The following STX11 variants were observed in gnomAD, a reference collection of about 807,000 sequenced individuals.
STX11 encodes syntaxin 11, also known as syntaxin-11.
STX11 carries 21 observed loss-of-function variants against 19.9 expected under a neutral mutation model. That is an observed-to-expected ratio of 1.06 (90% CI 0.75 to 1.52). The LOEUF is 1.52. Ranked by LOEUF, STX11 falls within the 40% of genes most tolerant of loss-of-function variation. The pLI is 0.00. For missense variants in STX11, 438 were observed against 405.9 expected (o/e 1.08, Z -0.68); for synonymous variants, 193 against 174.4 (o/e 1.11, Z -0.84).
rs551867852 is a variant in STX11 at position 144,158,075 on chromosome 6, T to C, written c.-6+7372T>C. ...AGAATCCAGGGGTGGAACCCATGAA[T>C]TGACATTTTCAACACATTTTCCCCA... On this transcript the variant is annotated intron_variant, in intron 1 of 1. Transcript: ENST00000367568. Among the ~76,000 whole-genome samples, 20 of 152,240 alleles carry C rather than the reference T, an allele frequency of 1.3e-4. 1 individual carries two copies. The Middle Eastern group carries it at 0.014, about 104-fold the overall frequency.
rs932538148 is a variant in STX11, at chr6:144,177,017, A to G, written c.-5-9606A>G. 2.6e-5 allele frequency among the ~76,000 whole-genome samples: 4 copies of G among 152,212 alleles called. No individual in the cohort carries two copies. The highest frequency in any genetic ancestry group is 5.9e-5 in the Non-Finnish European group (4 of 68,034). ...AGAATTTAACAGGAGTAACCAGGCA[A>G]TGAGACTAGAATAAGTGGCCCAAAG... On this transcript the variant is annotated intron_variant, in intron 1 of 1. Coordinates refer to ENST00000367568, the MANE Select transcript of STX11 (RefSeq NM_003764.4). This position sits in a 1 kb window ranked among gnomAD's most constrained non-coding sequence, Gnocchi z 4.4.
At chr6:144,140,246 ATATATATATT>A in the STX11 span, among the ~76,000 whole-genome samples, 224 of 45,458 alleles carry the variant, frequency 4.9e-3, no homozygotes, top group Admixed American at 7.4e-3. Context: ...ATATATATAT[ATATATATATT>A]TATTTATTTA....
intron 1 of STX11, among the ~76,000 whole-genome samples, chr6:144,163,531 G>A (rs544539542): frequency 2.6e-5 from 4 of 152,022 alleles, no homozygotes; most frequent in Non-Finnish European, 5.9e-5. Flanking sequence ...AGGCTGGAGT[G>A]CAGTGGCGCA....
Position 144,190,583 on chromosome 6 carries a change from C to CTT in STX11, c.*3103_*3104dup, listed in dbSNP as rs558797705. On this transcript the variant is annotated 3_prime_UTR_variant, in exon 2 of 2. Transcript: ENST00000367568. ...ACCCCATCTTCTGTGAATATTAGGGCTTTTTTTTTTTTGACAGTCATAAAG... is the reference window on the plus strand; with the variant it reads ...ACCCCATCTTCTGTGAATATTAGGGCTTTTTTTTTTTTTTGACAGTCATAAAG... Among the ~76,000 whole-genome samples the CTT allele has an allele frequency of 4.9e-5, 7 of 143,034 alleles. No individual in the cohort carries two copies. The highest frequency in any genetic ancestry group is 1.3e-4 in the African/African-American group (5 of 39,260). 93.8% of individuals were successfully genotyped at this position (143,034 alleles called of 152,430 possible).
rs992187276 is a variant in STX11 at position 144,188,871 on chromosome 6, C to T, written c.*1380C>T. 6.6e-6 allele frequency among the ~76,000 whole-genome samples: 1 copy of T among 151,342 alleles called. No individual in the cohort carries two copies. Among genetic ancestry groups the T allele is most frequent in the Non-Finnish European group, 1.5e-5 (1 of 67,936 alleles). ...CCTCCTGAGAAGTTGGGACTCTGGG[C>T]GCGTGCCACAATGTCTGGCTAATTT... On this transcript the variant is annotated 3_prime_UTR_variant, in exon 2 of 2. Coordinates refer to ENST00000367568, the MANE Select transcript of STX11 (RefSeq NM_003764.4).
At chr6:144,139,996 G>C in the STX11 span, among the ~76,000 whole-genome samples, 2 of 151,528 alleles carry the variant, frequency 1.3e-5, no homozygotes, top group Admixed American at 1.3e-4. Context: ...AGTGAGGCAA[G>C]GCCATGTTAG....
chr6:144,162,520 C>T lies in STX11; in HGVS notation c.-6+11817C>T, dbSNP rs1801370053. Among the ~76,000 whole-genome samples, 1 of 152,120 alleles carries T rather than the reference C, an allele frequency of 6.6e-6. No individual in the cohort carries two copies. The highest frequency in any genetic ancestry group is 2.4e-5 in the African/African-American group (1 of 41,406). ...TTATCCAGAATGTGGAAGGCGTCTT[C>T]AAAAATGCAAATATGCTTTCTTGAT... On this transcript the variant is annotated intron_variant, in intron 1 of 1. Coordinates refer to ENST00000367568, the MANE Select transcript of STX11 (RefSeq NM_003764.4). This position sits in a 1 kb window ranked among gnomAD's most constrained non-coding sequence, Gnocchi z 4.6.
Position 144,155,986 on chromosome 6 carries a change from CTT to C in STX11, c.-6+5285_-6+5286del, listed in dbSNP as rs1264178417. ...TCTTTCTTTCTTTCTTTCTTTCTTT[CTT>C]TCTTTCTTTCTTTCTTTCTTTCTTT... On this transcript the variant is annotated intron_variant, in intron 1 of 1. Transcript: ENST00000367568. The surrounding 1 kb of genome is among the most constrained non-coding windows in gnomAD (Gnocchi z 4.5). 1.3e-3 allele frequency among the ~76,000 whole-genome samples: 169 copies of C among 131,642 alleles called. 2 individuals are homozygous for C. The highest frequency in any genetic ancestry group is 5.8e-3 in the African/African-American group (153 of 26,372). 86.4% of individuals were successfully genotyped at this position (131,642 alleles called of 152,430 possible).
At chr6:144,142,120 C>A in the STX11 span, among the ~76,000 whole-genome samples, 1 of 151,478 alleles carries the variant, frequency 6.6e-6, no homozygotes, top group Non-Finnish European at 1.5e-5. Context: ...AGGGTTCAGT[C>A]TATTCCTCTC....
chr6:144,142,709 T>TGATA, the STX11 span, among the ~76,000 whole-genome samples: 3 of 152,116 alleles, frequency 2.0e-5, no homozygotes, highest in Non-Finnish European at 4.4e-5. Flanking sequence ...GAGAGTGGAA[T>TGATA]GATAGATAGA....
chr6:144,164,898 T>C (rs1309237049), intron 1 of STX11, among the ~76,000 whole-genome samples: 4 of 151,932 alleles, frequency 2.6e-5, no homozygotes, highest in Non-Finnish European at 4.4e-5. Flanking sequence ...GGTTTCACCA[T>C]GTTGGCCAGG....
At chr6:144,141,653 T>G in the STX11 span, among the ~76,000 whole-genome samples, 2 of 150,470 alleles carry the variant, frequency 1.3e-5, no homozygotes, top group Non-Finnish European at 1.5e-5. Flanking sequence ...TATTTTCAGT[T>G]TTGTTGTTGT....
chr6:144,159,894 T>A lies in STX11; in HGVS notation c.-6+9191T>A, dbSNP rs1433929341. Among the ~76,000 whole-genome samples the A allele has an allele frequency of 1.3e-5, 2 of 152,152 alleles. No individual in the cohort carries two copies. The highest frequency in any genetic ancestry group is 2.4e-5 in the African/African-American group (1 of 41,438). ...AGGTTTCTCATCTTTCCAGGTCACT[T>A]TTGATGCCCTGGGTGAAGAGGCCAC... On this transcript the variant is annotated intron_variant, in intron 1 of 1. Coordinates refer to ENST00000367568, the MANE Select transcript of STX11 (RefSeq NM_003764.4). This position sits in a 1 kb window ranked among gnomAD's most constrained non-coding sequence, Gnocchi z 4.3.
At chr6:144,168,154 A>G (rs1328708597) in intron 1 of STX11, among the ~76,000 whole-genome samples, 1 of 152,230 alleles carries the variant, frequency 6.6e-6, no homozygotes, top group African/African-American at 2.4e-5. Context: ...GGTGAGAAGA[A>G]ACATCAGTAA....
chr6:144,184,030 G>C lies in STX11; in HGVS notation c.-5-2593G>C, dbSNP rs769477267. On this transcript the variant is annotated intron_variant, in intron 1 of 1. Transcript: ENST00000367568. The surrounding 1 kb of genome is among the most constrained non-coding windows in gnomAD (Gnocchi z 6.5). Reference sequence around the variant, plus strand: ...AGTTTGCTGAGGATAATGGCTTCCAGCTTCATCCATGTCCCTGCAAAGAAC... The same window carrying C: ...AGTTTGCTGAGGATAATGGCTTCCACCTTCATCCATGTCCCTGCAAAGAAC... Among the ~76,000 whole-genome samples, 47 of 152,154 alleles carry C rather than the reference G, an allele frequency of 3.1e-4. No individual in the cohort carries two copies. The highest frequency in any genetic ancestry group is 6.5e-4 in the Non-Finnish European group (44 of 68,026).
chr6:144,179,658 T>C (rs564909331), intron 1 of STX11, among the ~76,000 whole-genome samples: 1 of 152,252 alleles, frequency 6.6e-6, no homozygotes, highest in African/African-American at 2.4e-5. Flanking sequence ...AGACTGGCAA[T>C]CCAACCATGC....
rs772078139 is a variant in STX11, at chr6:144,187,200, G to A, written c.573G>A (p.Glu191=). ...AGGGTAAGTGGGACGTGTTTTCCGAGAACTTGCTGGCCGACGTGAAGGGCG... is the reference window on the plus strand; with the variant it reads ...AGGGTAAGTGGGACGTGTTTTCCGAAAACTTGCTGGCCGACGTGAAGGGCG... ...FEQGKWDVFS[E]NLLADVKGAR... is the part of the protein sequence containing the mutation. Residue 191 remains glutamate, a synonymous_variant, in exon 2 of 2, where the codon GAG becomes GAA. Coordinates refer to ENST00000367568, the MANE Select transcript of STX11 (RefSeq NM_003764.4). The surrounding 1 kb of genome is among the most constrained non-coding windows in gnomAD (Gnocchi z 5.6). 5.0e-6 allele frequency: 8 copies of A among 1,613,890 alleles called. No homozygotes were observed. In the Admixed American group the frequency reaches 8.3e-5, roughly 17 times the overall value.
upstream of STX11, among the ~76,000 whole-genome samples, chr6:144,150,042 T>G (rs1800953282): frequency 6.6e-6 from 1 of 152,116 alleles, no homozygotes; most frequent in Admixed American, 6.5e-5. Context: ...GGGAAGGCGG[T>G]GCTCGGCCTC....
At chr6:144,157,069 T>G (rs1257799797) in intron 1 of STX11, among the ~76,000 whole-genome samples, 2 of 152,212 alleles carry the variant, frequency 1.3e-5, no homozygotes. Context: ...AAGGCGCAAG[T>G]TCAGTGTCTC....
Sources: gnomAD v4.1 joint callset for allele counts (sites outside exome capture counted in the v4.1 genomes callset) on GRCh38, gnomAD v4.1.1 for gene constraint, Gnocchi (gnomAD v3.1) non-coding constraint, MANE v1.5 for transcripts, NCBI Gene and HGNC (gene_info 2026-07-23, HGNC 2026-07-21) for gene names.